AP3B1: variants seen among roughly 807,000 people sequenced by gnomAD.
AP3B1 encodes AP-3 complex subunit beta-1.
A neutral mutation model predicts 132.5 loss-of-function variants in AP3B1; 61 were observed. The observed-to-expected ratio is 0.46, with a 90% CI of 0.37 to 0.57. AP3B1 has a LOEUF of 0.57. Ranked by LOEUF, AP3B1 falls within the 20% of genes least tolerant of loss-of-function variation. The pLI is 0.00. For missense variants in AP3B1, 1,120 were observed against 1,289.4 expected (o/e 0.87, Z 2.01); for synonymous variants, 388 against 438.3 (o/e 0.89, Z 1.43).
chr5:78,104,923 T>C (rs2112240785), intron 20 of AP3B1, among the ~76,000 whole-genome samples: 1 of 152,304 alleles, frequency 6.6e-6, no homozygotes, highest in African/African-American at 2.4e-5. Flanking sequence ...ACTCAAACAC[T>C]GCTACGTATA....
intron 17 of AP3B1, among the ~76,000 whole-genome samples, chr5:78,117,859 T>G (rs1269477865): frequency 6.6e-6 from 1 of 152,222 alleles, no homozygotes; most frequent in African/African-American, 2.4e-5. Flanking sequence ...GCTTCATATA[T>G]GATTTTTTAA....
chr5:78,124,967 A>G (rs1752398480), intron 17 of AP3B1, among the ~76,000 whole-genome samples: 1 of 152,190 alleles, frequency 6.6e-6, no homozygotes, highest in African/African-American at 2.4e-5. Context: ...AAGACGAACA[A>G]TAAAAGTATC....
intron 1 of AP3B1, among the ~76,000 whole-genome samples, chr5:78,275,435 C>T (rs1211875491): frequency 1.3e-5 from 2 of 152,048 alleles, no homozygotes; most frequent in African/African-American, 4.8e-5. Context: ...AAAGCAAATG[C>T]TGACAGACTC....
intron 7 of AP3B1, among the ~76,000 whole-genome samples, chr5:78,192,290 G>T (rs752633090): frequency 6.6e-6 from 1 of 152,090 alleles, no homozygotes; most frequent in Non-Finnish European, 1.5e-5. Flanking sequence ...TTTGGCAGAT[G>T]TAATTTTAAG....
At position 78,141,247 on chromosome 5, in the gene AP3B1, CA is replaced by C; in HGVS notation, c.1545del (p.Asp516MetfsTer3). ...CTTTTAGCCATCTTCCTCAAAACATCAGGGGCAATTTTAGGAACTCGTTCAC... is the reference window on the plus strand; with the variant it reads ...CTTTTAGCCATCTTCCTCAAAACATCGGGGCAATTTTAGGAACTCGTTCAC... Reference protein sequence around the residue: ...ENCERVPKIAPDVLRKMAKSF... With the variant: ...ENCERVPKIAXDVLRKMAKSF... On this transcript the variant is annotated frameshift_variant, in exon 15 of 27. Transcript: ENST00000255194. LOFTEE classifies it high-confidence loss of function. 1 of 1,613,792 alleles carries C rather than the reference CA, an allele frequency of 6.2e-7. No homozygotes were observed. The highest frequency in any genetic ancestry group is 8.5e-7 in the Non-Finnish European group (1 of 1,179,786).
intron 24 of AP3B1, among the ~76,000 whole-genome samples, chr5:78,022,839 C>T (rs779517639): frequency 5.9e-5 from 9 of 152,034 alleles, no homozygotes; most frequent in Non-Finnish European, 1.3e-4. Flanking sequence ...GTGTTTTTTA[C>T]TTAAATAAAG....
intron 21 of AP3B1, among the ~76,000 whole-genome samples, chr5:78,097,017 G>C (rs1750849058): frequency 7.6e-6 from 1 of 131,388 alleles, no homozygotes; most frequent in Non-Finnish European, 1.6e-5. Flanking sequence ...GAGGTGGGGG[G>C]GTCAGCCCCC....
intron 1 of AP3B1, among the ~76,000 whole-genome samples, chr5:78,293,793 C>T (rs555766164): frequency 3.3e-5 from 5 of 152,056 alleles, no homozygotes; most frequent in Non-Finnish European, 7.4e-5. Flanking sequence ...CCTTGTTTAA[C>T]ATTCGTTTTT....
intron 1 of AP3B1, among the ~76,000 whole-genome samples, chr5:78,270,835 A>T (rs1206582183): frequency 6.6e-6 from 1 of 151,610 alleles, no homozygotes; most frequent in Non-Finnish European, 1.5e-5. Context: ...CATGACCACT[A>T]CTCTTTCATC....
At chr5:78,217,341 C>T (rs1042111665) in intron 6 of AP3B1, among the ~76,000 whole-genome samples, 2 of 152,110 alleles carry the variant, frequency 1.3e-5, no homozygotes, top group African/African-American at 4.8e-5. Context: ...AAACAAGTTT[C>T]AAGTCCTGTG....
At position 78,003,016 on chromosome 5, in the gene AP3B1, T is replaced by C. The variant is rs1183009150; in HGVS notation, c.3171A>G (p.Leu1057=). The change falls in exon 27 of 27, where the codon CTA becomes CTG. Residue 1057 remains leucine (L), a synonymous_variant. Transcript: ENST00000255194. The part of the protein sequence containing the change: ...AKTVHSGSLM[L]VTVELKEGST... Reference sequence around the variant, plus strand: ...AGCCTTCCTTCAGTTCCACTGTGACTAGCATCAATGACCCACTGTGCACAG... The same window carrying C: ...AGCCTTCCTTCAGTTCCACTGTGACCAGCATCAATGACCCACTGTGCACAG... 3 of 1,614,204 alleles carry C rather than the reference T, an allele frequency of 1.9e-6. No homozygotes were observed. The East Asian group carries it at 6.7e-5, about 36-fold the overall frequency.
chr5:78,051,853 T>G (rs1748597632), intron 22 of AP3B1, among the ~76,000 whole-genome samples: 1 of 152,164 alleles, frequency 6.6e-6, no homozygotes, highest in South Asian at 2.1e-4. Flanking sequence ...ATCTTTAAAA[T>G]TAGTACTTTT....
At chr5:78,015,661 CT>C in intron 25 of AP3B1, 113 bp from the exon 26 acceptor site, 1 of 959,838 alleles carries the variant, frequency 1.0e-6, no homozygotes, top group Non-Finnish European at 1.6e-6. Context: ...AGAAACACTA[CT>C]TTAGGATGTA....
intron 7 of AP3B1, among the ~76,000 whole-genome samples, chr5:78,212,530 C>G (rs911374109): frequency 2.0e-5 from 3 of 152,040 alleles, no homozygotes; most frequent in Admixed American, 6.5e-5. Flanking sequence ...CTTAATTCAT[C>G]ATAAAATGGT....
chr5:78,240,962 AT>A, intron 2 of AP3B1, 26 bp from the exon 3 acceptor site: 1 of 1,495,780 alleles, frequency 6.7e-7, no homozygotes, highest in Non-Finnish European at 9.3e-7. Context: ...AACAGACAAT[AT>A]GGGAAATTCT....
At chr5:78,169,801 C>A (rs1018245934) in intron 11 of AP3B1, among the ~76,000 whole-genome samples, 2 of 151,750 alleles carry the variant, frequency 1.3e-5, no homozygotes, top group Non-Finnish European at 2.9e-5. Context: ...TATATGTGCA[C>A]AACGTGCAGG....
At chr5:78,013,829 T>C (rs750987590) in intron 26 of AP3B1, among the ~76,000 whole-genome samples, 8 of 152,184 alleles carry the variant, frequency 5.3e-5, no homozygotes, top group Non-Finnish European at 1.0e-4. Flanking sequence ...TCTTATTTTA[T>C]CACCATCCTA....
intron 22 of AP3B1, among the ~76,000 whole-genome samples, chr5:78,045,380 CAA>C (rs71608139): frequency 3.1e-5 from 2 of 63,910 alleles, no homozygotes; most frequent in African/African-American, 5.6e-5. Context: ...GGCTCTGTCT[CAA>C]AAAAAAAAAA....
chr5:78,122,809 C>G (rs1752280681), intron 17 of AP3B1, among the ~76,000 whole-genome samples: 1 of 152,284 alleles, frequency 6.6e-6, no homozygotes, highest in Non-Finnish European at 1.5e-5. Flanking sequence ...CCCCATCAAG[C>G]TACCAATGAC....
Sources: allele counts gnomAD v4.1 joint callset (sites outside exome capture counted in the v4.1 genomes callset), GRCh38; gene constraint gnomAD v4.1.1; transcripts MANE v1.5; gene names NCBI Gene and HGNC (gene_info 2026-07-23, HGNC 2026-07-21).